Variants in MLXIPL observed in about 807,000 individuals in gnomAD.
MLXIPL encodes MLX interacting protein like, also known as carbohydrate-responsive element-binding protein.
Under a neutral mutation model 81.5 loss-of-function variants are expected in MLXIPL, and 49 were observed. That is an observed-to-expected ratio of 0.60 (90% confidence interval 0.48 to 0.76). MLXIPL has a LOEUF of 0.76. MLXIPL is among the 30% of genes least tolerant of loss of function. MLXIPL has a pLI of 0.00. For synonymous variants in MLXIPL, 466 were observed against 485.5 expected, an observed-to-expected ratio of 0.96 and a Z score of 0.53; for missense variants, 1,053 against 1,167.0, an observed-to-expected ratio of 0.90 and a Z score of 1.42.
At chr7:73,624,671 G>T, upstream of MLXIPL, 2 of 1,227,898 alleles carry the variant, frequency 1.6e-6, no homozygotes, top group African/African-American at 1.6e-5. Flanking sequence ...AGAACCCGGT[G>T]CTCTGGAGCT....
chr7:73,597,101 C>A, intron 9 of MLXIPL, 81 bp downstream of exon 9: 1 of 1,492,868 alleles, frequency 6.7e-7, no homozygotes, highest in Non-Finnish European at 9.1e-7. Context: ...TCACCTTCAT[C>A]TTCTGCTCCC....
At chr7:73,624,547 T>G, upstream of MLXIPL, 5 of 1,477,582 alleles carry the variant, frequency 3.4e-6, no homozygotes, top group Non-Finnish European at 4.5e-6. Context: ...GGGGAACAGC[T>G]CTTGGCCAGC....
the MLXIPL span, among the ~76,000 whole-genome samples, chr7:73,634,667 T>C: frequency 6.6e-6 from 1 of 151,956 alleles, no homozygotes; most frequent in South Asian, 2.1e-4. Context: ...AGTGCCGGGA[T>C]TACAAGCGTG....
At chr7:73,625,596 A>C (rs1563520747), upstream of MLXIPL, among the ~76,000 whole-genome samples, 1 of 151,932 alleles carries the variant, frequency 6.6e-6, no homozygotes, top group Non-Finnish European at 1.5e-5. Context: ...TTCTCTACTA[A>C]AAATACAAAA....
In MLXIPL at chr7:73,602,211, CTCTTTCTT is replaced by C. The variant is rs10653440; in HGVS notation, c.902-2524_902-2517del. Among the ~76,000 whole-genome samples, 514 of 133,240 alleles carry C rather than the reference CTCTTTCTT, an allele frequency of 3.9e-3. 4 individuals are homozygous for C. Among genetic ancestry groups the C allele is most frequent in the African/African-American group, 0.014 (491 of 34,496 alleles). 87.4% of individuals were successfully genotyped at this position (133,240 alleles called of 152,430 possible). A position where few individuals can be genotyped will look rare whatever the true frequency, so the allele number is the denominator to read the frequency against. On this transcript the variant is annotated intron_variant, in intron 7 of 16. Coordinates refer to ENST00000313375, the MANE Select transcript of MLXIPL (RefSeq NM_032951.3). ...CTTTCATCTCTCTCTCTCTCTTTCT[CTCTTTCTT>C]TCTTTTTTTTTTTTTGAGATGGAGT...
Position 73,599,699 on chromosome 7 carries a change from T to C in MLXIPL, c.902-4A>G. Reference sequence around the variant, plus strand: ...AGGCGGGAGTTGGTAAAGAAATCTGTAATTCAGACACACAGGGCAACAGCA... The same window carrying C: ...AGGCGGGAGTTGGTAAAGAAATCTGCAATTCAGACACACAGGGCAACAGCA... On this transcript the variant is annotated splice_polypyrimidine_tract_variant and splice_region_variant and intron_variant, in intron 7 of 16. Transcript: ENST00000313375. The C allele has an allele frequency of 6.2e-7, 1 of 1,602,752 alleles. No individual in the cohort carries two copies. The highest frequency in any genetic ancestry group is 8.5e-7 in the Non-Finnish European group (1 of 1,174,150).
intron 15 of MLXIPL, among the ~76,000 whole-genome samples, chr7:73,594,943 T>C (rs782449148): frequency 4.6e-5 from 7 of 150,746 alleles, no homozygotes; most frequent in African/African-American, 1.2e-4. Context: ...CCTCCCAGGT[T>C]CAAGCTGTTC....
chr7:73,603,274 G>A (rs1209513729), intron 7 of MLXIPL, among the ~76,000 whole-genome samples: 1 of 152,188 alleles, frequency 6.6e-6, no homozygotes, highest in Non-Finnish European at 1.5e-5. Flanking sequence ...CACCTCCTCT[G>A]TGTGGCCCAC....
chr7:73,609,851 T>TAA (rs72649029), intron 2 of MLXIPL: 1 of 151,688 alleles, frequency 6.6e-6, no homozygotes. Flanking sequence ...TGTGAATTTT[T>TAA]AAAAAAAATT....
the MLXIPL span, among the ~76,000 whole-genome samples, chr7:73,636,037 G>C: frequency 6.6e-6 from 1 of 152,300 alleles, no homozygotes; most frequent in East Asian, 1.9e-4. Flanking sequence ...TGGAAGTTCA[G>C]TTAAGGGCGG....
chr7:73,638,190 T>A, the MLXIPL span, among the ~76,000 whole-genome samples: 38 of 152,184 alleles, frequency 2.5e-4, no homozygotes, highest in Non-Finnish European at 7.3e-5. Flanking sequence ...CTCCTGTCCC[T>A]GAGGGAGACT....
chr7:73,597,719 T>G lies in MLXIPL; in HGVS notation c.1072-6A>C. On this transcript the variant is annotated splice_polypyrimidine_tract_variant and splice_region_variant and intron_variant, in intron 8 of 16. Coordinates refer to ENST00000313375, the MANE Select transcript of MLXIPL (RefSeq NM_032951.3). ...CCAGGGCAGCTGTTCCGAGCCTGGT[T>G]GGGGGGACAGACAGACACTCAGAGA... The G allele has an allele frequency of 1.5e-6, 2 of 1,332,156 alleles. No individual in the cohort carries two copies. The highest frequency in any genetic ancestry group is 1.9e-6 in the Non-Finnish European group (2 of 1,043,982). The allele number at this position is 1,332,156 out of a possible 1,614,324, so 82.5% of individuals were successfully genotyped here.
In MLXIPL at chr7:73,595,822, C is replaced by T. The variant is rs1489421863; in HGVS notation, c.2186+20G>A. On this transcript the variant is annotated intron_variant, in intron 14 of 16. Transcript: ENST00000313375. ...GCGGCATGGCCCCCTGGTCCCAGCA[C>T]CCGCCTGGACCCTGCCTACTTAATG... 5 of 1,591,044 alleles carry T rather than the reference C, an allele frequency of 3.1e-6. No homozygotes were observed. The African/African-American group carries it at 6.7e-5, about 21-fold the overall frequency.
At chr7:73,621,080 TA>T (rs1796317801) in intron 1 of MLXIPL, among the ~76,000 whole-genome samples, 2 of 150,080 alleles carry the variant, frequency 1.3e-5, no homozygotes, top group South Asian at 2.1e-4. Context: ...AATAAATAAA[TA>T]AATAATAAGA....
At chr7:73,624,719 T>A (rs1395714628), upstream of MLXIPL, 1 of 516,220 alleles carries the variant, frequency 1.9e-6, no homozygotes, top group Admixed American at 6.4e-5. Flanking sequence ...CGTCTTTCCT[T>A]GGAGTCCTGA....
At chr7:73,624,565 C>A (rs1188229218), upstream of MLXIPL, 3 of 1,450,972 alleles carry the variant, frequency 2.1e-6, no homozygotes, top group Non-Finnish European at 2.7e-6. Context: ...AGCCGGGCCT[C>A]ATTAACATAG....
intron 1 of MLXIPL, 46 bp downstream of exon 1, chr7:73,624,154 T>TC: frequency 5.0e-6 from 3 of 594,502 alleles, no homozygotes; most frequent in Non-Finnish European, 7.9e-6. Flanking sequence ...CCCCCCCCCA[T>TC]CCCCACCTGG....
chr7:73,646,287 C>T, the MLXIPL span, among the ~76,000 whole-genome samples: 1 of 152,156 alleles, frequency 6.6e-6, no homozygotes, highest in Non-Finnish European at 1.5e-5. Flanking sequence ...GGAGACATGA[C>T]CTCTCCCACT....
rs72649010 is a variant in MLXIPL at position 73,593,339 on chromosome 7, T to A, written c.*526A>T. On this transcript the variant is annotated 3_prime_UTR_variant, in exon 17 of 17. Coordinates refer to ENST00000313375, the MANE Select transcript of MLXIPL (RefSeq NM_032951.3). Reference sequence around the variant, plus strand: ...CTCCTGGGATCAGGCCCTCCTGGCCTCTCCCAGGGGAAACCATCCTGCAGC... The same window carrying A: ...CTCCTGGGATCAGGCCCTCCTGGCCACTCCCAGGGGAAACCATCCTGCAGC... 5 of 215,346 alleles carry A rather than the reference T, an allele frequency of 2.3e-5. No individual in the cohort carries two copies. Among genetic ancestry groups the A allele is most frequent in the Non-Finnish European group, 2.8e-5 (3 of 106,466 alleles). 13.3% of individuals were successfully genotyped at this position (215,346 alleles called of 1,614,324 possible). A position where few individuals can be genotyped will look rare whatever the true frequency, so the allele number is the denominator to read the frequency against.
Sources: gnomAD v4.1 joint callset for allele counts (sites outside exome capture counted in the v4.1 genomes callset) on GRCh38, gnomAD v4.1.1 for gene constraint, MANE v1.5 for transcripts, NCBI Gene and HGNC (gene_info 2026-07-23, HGNC 2026-07-21) for gene names.